The following FILIP1L variants were observed in gnomAD, a reference collection of about 807,000 sequenced individuals.
FILIP1L encodes the protein filamin A interacting protein 1 like.
FILIP1L carries 55 observed loss-of-function variants against 96.6 expected under a neutral mutation model. The observed-to-expected ratio is 0.57, with a 90% CI of 0.46 to 0.71. The LOEUF (loss-of-function observed/expected upper bound fraction) is 0.71. FILIP1L is among the 30% of genes least tolerant of loss of function. The pLI is 0.00. For synonymous variants in FILIP1L, 467 were observed against 473.9 expected (o/e 0.99, Z 0.19); for missense variants, 1,304 against 1,321.2 (o/e 0.99, Z 0.20).
chr3:99,840,449 C>G (rs1943085703), intron 5 of FILIP1L, among the ~76,000 whole-genome samples: 1 of 152,014 alleles, frequency 6.6e-6, no homozygotes, highest in Non-Finnish European at 1.5e-5. Context: ...GTCTTGAACT[C>G]CTGACCTCAT....
At chr3:99,866,120 C>CTT (rs1944502165) in intron 4 of FILIP1L, among the ~76,000 whole-genome samples, 1 of 151,660 alleles carries the variant, frequency 6.6e-6, no homozygotes, top group South Asian at 2.1e-4. Flanking sequence ...AGCATGTATC[C>CTT]TTTTCCAGAA....
At chr3:99,920,131 C>T (rs1436080691) in intron 4 of FILIP1L, among the ~76,000 whole-genome samples, 1 of 152,136 alleles carries the variant, frequency 6.6e-6, no homozygotes, top group Non-Finnish European at 1.5e-5. Flanking sequence ...TACAGAGCTG[C>T]CATAACAATA....
chr3:99,974,497 G>T (rs1050012826), intron 1 of FILIP1L, among the ~76,000 whole-genome samples: 1 of 152,158 alleles, frequency 6.6e-6, no homozygotes, highest in Non-Finnish European at 1.5e-5. Context: ...ATCACCTGAG[G>T]TCAGGAGTTC....
intron 1 of FILIP1L, among the ~76,000 whole-genome samples, chr3:100,035,670 G>A (rs541905770): frequency 1.3e-5 from 2 of 152,308 alleles, no homozygotes; most frequent in African/African-American, 4.8e-5. Flanking sequence ...AGAAGAGGCA[G>A]AAACTTTTAT....
At chr3:99,970,469 T>G (rs1408661045) in intron 1 of FILIP1L, among the ~76,000 whole-genome samples, 1 of 152,272 alleles carries the variant, frequency 6.6e-6, no homozygotes, top group East Asian at 1.9e-4. Context: ...TACTCTGTGC[T>G]TCCCCACCCT....
intron 4 of FILIP1L, among the ~76,000 whole-genome samples, chr3:99,901,009 T>C (rs1332722679): frequency 6.6e-6 from 1 of 152,230 alleles, no homozygotes; most frequent in African/African-American, 2.4e-5. Context: ...TTGCTTCTTA[T>C]TGATAATTAT....
chr3:99,976,536 T>C (rs995359456), intron 1 of FILIP1L, among the ~76,000 whole-genome samples: 5 of 152,206 alleles, frequency 3.3e-5, no homozygotes, highest in Non-Finnish European at 7.4e-5. Flanking sequence ...CCAGTGGTTT[T>C]TCTTTCACCA....
At chr3:99,852,477 C>T (rs930677090) in intron 4 of FILIP1L, among the ~76,000 whole-genome samples, 2 of 152,016 alleles carry the variant, frequency 1.3e-5, no homozygotes, top group African/African-American at 4.8e-5. Flanking sequence ...AATTGAGTCT[C>T]ACTCTGTCGC....
At chr3:99,931,436 G>T (rs1320279102) in intron 1 of FILIP1L, among the ~76,000 whole-genome samples, 3 of 152,126 alleles carry the variant, frequency 2.0e-5, no homozygotes, top group Non-Finnish European at 4.4e-5. Context: ...ACTTTCTTCA[G>T]ATTTACTTTA....
intron 1 of FILIP1L, among the ~76,000 whole-genome samples, chr3:100,057,789 A>G (rs2065490567): frequency 6.6e-6 from 1 of 152,186 alleles, no homozygotes; most frequent in South Asian, 2.1e-4. Context: ...TGCTACTGGA[A>G]AAATCACTCA....
intron 5 of FILIP1L, chr3:99,847,993 A>T (rs775607474): frequency 9.2e-7 from 1 of 1,082,512 alleles, no homozygotes. Context: ...GTTGCAGTCA[A>T]ATTAAAGTGA....
At position 99,829,201 on chromosome 3, in the gene FILIP1L, C is replaced by G. The variant is rs1229160386; in HGVS notation, c.*1213G>C. ...GCTTCCAGTTTTTAGTGAAGGATCACAAAAAATGTTTAGTGTCGTTCCATT... is the reference window on the plus strand; with the variant it reads ...GCTTCCAGTTTTTAGTGAAGGATCAGAAAAAATGTTTAGTGTCGTTCCATT... On this transcript the variant is annotated 3_prime_UTR_variant, in exon 6 of 6. Coordinates refer to ENST00000477258, the MANE Select transcript of FILIP1L (RefSeq NM_001387850.1). 1.3e-5 allele frequency among the ~76,000 whole-genome samples: 2 copies of G among 150,718 alleles called. No homozygotes were observed. Among genetic ancestry groups the G allele is most frequent in the African/African-American group, 4.9e-5 (2 of 41,020 alleles).
intron 1 of FILIP1L, among the ~76,000 whole-genome samples, chr3:99,985,658 G>T (rs1423180085): frequency 1.3e-5 from 2 of 151,298 alleles, no homozygotes; most frequent in Non-Finnish European, 2.9e-5. Flanking sequence ...GCATGATCTC[G>T]GCTCACTGCA....
At chr3:100,035,178 T>A (rs2065085925) in intron 1 of FILIP1L, among the ~76,000 whole-genome samples, 1 of 152,240 alleles carries the variant, frequency 6.6e-6, no homozygotes, top group South Asian at 2.1e-4. Flanking sequence ...ATGAAAGCCA[T>A]CTACATTTTC....
chr3:99,941,129 A>G (rs1559697271), intron 1 of FILIP1L, among the ~76,000 whole-genome samples: 1 of 152,210 alleles, frequency 6.6e-6, no homozygotes, highest in Non-Finnish European at 1.5e-5. Context: ...GAGGGAAACT[A>G]ACTTTTCTAA....
chr3:100,090,503 G>A (rs1213199335), intron 1 of FILIP1L, among the ~76,000 whole-genome samples: 3 of 152,240 alleles, frequency 2.0e-5, no homozygotes, highest in South Asian at 2.1e-4. Context: ...AAAACCAGGC[G>A]ACAGAGATGC....
intron 4 of FILIP1L, among the ~76,000 whole-genome samples, chr3:99,908,866 T>A (rs1302791576): frequency 6.6e-6 from 1 of 152,042 alleles, no homozygotes; most frequent in African/African-American, 2.4e-5. Context: ...CAAAAAAAAA[T>A]TCCTATTGTG....
intron 4 of FILIP1L, among the ~76,000 whole-genome samples, chr3:99,920,123 C>T (rs1039722873): frequency 6.6e-6 from 1 of 152,174 alleles, no homozygotes; most frequent in Non-Finnish European, 1.5e-5. Context: ...CAGTTTTATA[C>T]AGAGCTGCCA....
At chr3:99,952,587 C>T (rs376656392) in intron 1 of FILIP1L, among the ~76,000 whole-genome samples, 54 of 152,266 alleles carry the variant, frequency 3.5e-4, no homozygotes, top group Middle Eastern at 6.8e-3. Flanking sequence ...CTAGAAAACA[C>T]TATGCTTTGG....
Sources: allele counts gnomAD v4.1 joint callset (sites outside exome capture counted in the v4.1 genomes callset), GRCh38; gene constraint gnomAD v4.1.1; transcripts MANE v1.5; gene names NCBI Gene and HGNC (gene_info 2026-07-23, HGNC 2026-07-21).